EYS: variants seen among roughly 807,000 people sequenced by gnomAD.
The protein encoded by EYS is protein eyes shut homolog.
EYS carries 250 observed loss-of-function variants against 282.1 expected under a neutral mutation model. The ratio of observed to expected loss-of-function variants is 0.89; its 90% CI spans 0.80 to 0.98. The LOEUF is 0.98. EYS is among the 50% of genes least tolerant of loss of function. EYS has a pLI of 0.00. For synonymous variants in EYS, 1,355 were observed against 1,282.9 expected (o/e 1.06, Z -1.20); for missense variants, 4,016 against 3,709.0 (o/e 1.08, Z -2.15).
chr6:65,433,726 G>A (rs915810364), intron 5 of EYS, among the ~76,000 whole-genome samples: 5 of 152,088 alleles, frequency 3.3e-5, no homozygotes, highest in Admixed American at 2.0e-4. Context: ...TAATAAAAAT[G>A]GTACTAGAAT....
chr6:64,552,550 T>C (rs995764997), intron 26 of EYS, among the ~76,000 whole-genome samples: 40 of 152,272 alleles, frequency 2.6e-4, no homozygotes, highest in Non-Finnish European at 5.3e-4. Context: ...CCCCTGATCT[T>C]AACCCAGACA....
intron 26 of EYS, among the ~76,000 whole-genome samples, chr6:64,524,867 A>G (rs1476893272): frequency 6.6e-6 from 1 of 151,776 alleles, no homozygotes; most frequent in Admixed American, 6.6e-5. Flanking sequence ...TGGGCAAAAC[A>G]CATAAACAGA....
intron 30 of EYS, among the ~76,000 whole-genome samples, chr6:64,293,665 T>C (rs1328171566): frequency 6.6e-6 from 1 of 152,166 alleles, no homozygotes; most frequent in Non-Finnish European, 1.5e-5. Context: ...GTAGTTAATT[T>C]TTTTTAACAA....
At chr6:65,413,994 T>C (rs575321552) in intron 5 of EYS, among the ~76,000 whole-genome samples, 1 of 152,256 alleles carries the variant, frequency 6.6e-6, no homozygotes, top group East Asian at 1.9e-4. Context: ...AAATATAAGC[T>C]CTACTTGGGC....
intron 33 of EYS, among the ~76,000 whole-genome samples, chr6:64,040,116 G>A (rs1217444635): frequency 6.6e-6 from 1 of 152,134 alleles, no homozygotes; most frequent in Non-Finnish European, 1.5e-5. Flanking sequence ...AACGTTTTCA[G>A]TTCTTTTGTA....
chr6:65,592,794 G>A (rs2127369063), intron 2 of EYS, among the ~76,000 whole-genome samples: 1 of 152,052 alleles, frequency 6.6e-6, no homozygotes. Context: ...AAGAAGAATG[G>A]TTGGTTTTAT....
chr6:64,404,284 C>T (rs1773631177), intron 28 of EYS, among the ~76,000 whole-genome samples: 1 of 151,960 alleles, frequency 6.6e-6, no homozygotes, highest in Non-Finnish European at 1.5e-5. Flanking sequence ...CATTTGAAAC[C>T]ATATATGCTG....
intron 8 of EYS, among the ~76,000 whole-genome samples, chr6:65,360,925 A>T (rs978824824): frequency 2.0e-5 from 3 of 152,146 alleles, no homozygotes; most frequent in African/African-American, 7.2e-5. Context: ...TGGGATAGAC[A>T]TGAAATAGGA....
chr6:65,579,612 C>T (rs1049749201), intron 2 of EYS, among the ~76,000 whole-genome samples: 30 of 149,824 alleles, frequency 2.0e-4, no homozygotes, highest in African/African-American at 7.6e-4. Context: ...CCATGAGGCC[C>T]CACGTGGCCT....
chr6:65,654,072 T>C (rs763415890), intron 1 of EYS, among the ~76,000 whole-genome samples: 2 of 151,996 alleles, frequency 1.3e-5, no homozygotes, highest in Non-Finnish European at 2.9e-5. Flanking sequence ...TTTATACTTA[T>C]TTTTGTTTTT....
At chr6:65,691,751 T>G (rs1448958211) in intron 1 of EYS, among the ~76,000 whole-genome samples, 2 of 150,490 alleles carry the variant, frequency 1.3e-5, no homozygotes, top group African/African-American at 4.8e-5. Context: ...CTTGAGTTAA[T>G]TTTTGTATAA....
chr6:64,978,154 T>C (rs1225438542), intron 14 of EYS, among the ~76,000 whole-genome samples: 1 of 151,892 alleles, frequency 6.6e-6, no homozygotes, highest in Non-Finnish European at 1.5e-5. Context: ...AGAGAGGAGA[T>C]GTCAATGCCT....
intron 26 of EYS, among the ~76,000 whole-genome samples, chr6:64,522,372 G>A (rs1053425370): frequency 6.6e-6 from 1 of 151,672 alleles, no homozygotes; most frequent in African/African-American, 2.4e-5. Flanking sequence ...CCTCTAACTA[G>A]TGTTAGAATG....
intron 36 of EYS, among the ~76,000 whole-genome samples, chr6:63,850,384 C>T (rs762882320): frequency 6.6e-6 from 1 of 152,054 alleles, no homozygotes; most frequent in South Asian, 2.1e-4. Context: ...ATCAGATTCA[C>T]CAAGATTGAA....
chr6:64,423,362 T>C (rs953897432), intron 28 of EYS, among the ~76,000 whole-genome samples: 2 of 152,218 alleles, frequency 1.3e-5, no homozygotes, highest in African/African-American at 4.8e-5. Context: ...TCAATGTCCA[T>C]TTCAAATTCA....
intron 35 of EYS, among the ~76,000 whole-genome samples, chr6:63,898,187 A>C (rs1208323268): frequency 6.6e-6 from 1 of 152,202 alleles, no homozygotes; most frequent in African/African-American, 2.4e-5. Flanking sequence ...GCAGTTCTGC[A>C]TAAAAATATT....
In EYS at chr6:65,639,856, T is replaced by C. The variant is rs1011630143; in HGVS notation, c.-411A>G. ...AAATATGGAGCAGAGGATCCAGACT[T>C]GACTCCCCAGGTGTAAGAGAAGAGT... On this transcript the variant is annotated 5_prime_UTR_variant, in exon 2 of 43. Coordinates refer to ENST00000503581, the MANE Select transcript of EYS (RefSeq NM_001142800.2). 1.3e-5 allele frequency: 2 copies of C among 152,136 alleles called. No individual in the cohort carries two copies. The allele number at this position is 152,136 out of a possible 1,614,324, so 9.4% of individuals were successfully genotyped here.
chr6:65,034,044 T>C (rs1383059111), intron 13 of EYS, among the ~76,000 whole-genome samples: 2 of 152,174 alleles, frequency 1.3e-5, no homozygotes, highest in Admixed American at 6.5e-5. Context: ...GGAGATTATT[T>C]TGAAGCTTTA....
chr6:64,031,747 C>CT (rs200944004), intron 33 of EYS, among the ~76,000 whole-genome samples: 2,493 of 152,184 alleles, frequency 0.016, 44 homozygotes, highest in African/African-American at 0.05. Flanking sequence ...TGTGGTGACA[C>CT]GTGTGTCTAG....
Sources: allele counts gnomAD v4.1 joint callset (sites outside exome capture counted in the v4.1 genomes callset), GRCh38; gene constraint gnomAD v4.1.1; transcripts MANE v1.5; gene names NCBI Gene and HGNC (gene_info 2026-07-23, HGNC 2026-07-21).